GRM7: variants seen among roughly 807,000 people sequenced by gnomAD.
GRM7 encodes glutamate metabotropic receptor 7.
Under a neutral mutation model 84.5 loss-of-function variants are expected in GRM7, and 35 were observed. That is an observed-to-expected ratio of 0.41 (90% CI 0.32 to 0.55). The LOEUF is 0.55. Ranked by LOEUF, GRM7 falls within the 20% of genes least tolerant of loss-of-function variation. The pLI, the probability that GRM7 is intolerant of heterozygous loss-of-function variation, is 0.19. For synonymous variants in GRM7, 487 were observed against 455.1 expected (o/e 1.07, Z -0.89); for missense variants, 1,003 against 1,194.6 (o/e 0.84, Z 2.36).
chr3:7,440,179 G>A (rs182147388), intron 5 of GRM7, among the ~76,000 whole-genome samples: 1 of 152,262 alleles, frequency 6.6e-6, no homozygotes, highest in East Asian at 1.9e-4. Flanking sequence ...ATTTATTTCT[G>A]AGAATGTTCT....
intron 4 of GRM7, among the ~76,000 whole-genome samples, chr3:7,346,058 G>C (rs1244398309): frequency 6.6e-6 from 1 of 152,080 alleles, no homozygotes; most frequent in East Asian, 1.9e-4. Context: ...CTCTAATTAA[G>C]CTATTTATAT....
chr3:7,393,050 C>A (rs1559290055), intron 4 of GRM7, among the ~76,000 whole-genome samples: 1 of 152,104 alleles, frequency 6.6e-6, no homozygotes, highest in Non-Finnish European at 1.5e-5. Context: ...GGCAGGCTAC[C>A]ACTCAGGCAA....
chr3:7,015,534 A>C (rs1695532724), intron 1 of GRM7, among the ~76,000 whole-genome samples: 1 of 152,244 alleles, frequency 6.6e-6, no homozygotes, highest in Non-Finnish European at 1.5e-5. Context: ...AGCAGATTAA[A>C]ATAATGAAAA....
intron 2 of GRM7, among the ~76,000 whole-genome samples, chr3:7,255,949 T>C (rs6443098): frequency 0.052 from 7,860 of 152,222 alleles, 659 homozygotes; most frequent in African/African-American, 0.18. Flanking sequence ...TCTGCTTAAA[T>C]TGCTCCATTA....
intron 1 of GRM7, among the ~76,000 whole-genome samples, chr3:6,977,995 C>A: frequency 6.6e-6 from 1 of 151,878 alleles, no homozygotes; most frequent in East Asian, 1.9e-4. Flanking sequence ...GAGTGGTGGC[C>A]CCTCAAAATC....
rs190890472 is a variant in GRM7, at chr3:7,506,057, G to A, written c.1515+44335G>A. Among the ~76,000 whole-genome samples, 1,041 of 152,246 alleles carry A rather than the reference G, an allele frequency of 6.8e-3. 16 individuals carry two copies. The highest frequency in any genetic ancestry group is 0.024 in the African/African-American group (990 of 41,540). On this transcript the variant is annotated intron_variant, in intron 7 of 9. Coordinates refer to ENST00000357716, the MANE Select transcript of GRM7 (RefSeq NM_000844.4). Reference sequence around the variant, plus strand: ...TTTCTTCTATATTTTACTGTAAGTGGTTAAAAATAGCCATTAAGCAGCCTG... The same window carrying A: ...TTTCTTCTATATTTTACTGTAAGTGATTAAAAATAGCCATTAAGCAGCCTG...
At chr3:6,982,202 A>G (rs1694235431) in intron 1 of GRM7, among the ~76,000 whole-genome samples, 1 of 152,166 alleles carries the variant, frequency 6.6e-6, no homozygotes, top group Admixed American at 6.5e-5. Flanking sequence ...GGAACAGAAA[A>G]CCAAATACTT....
intron 6 of GRM7, among the ~76,000 whole-genome samples, chr3:7,454,663 T>C (rs1697928175): frequency 6.6e-6 from 1 of 152,088 alleles, no homozygotes. Context: ...AATAATTATA[T>C]ATATTGCGGA....
At chr3:7,144,405 A>G (rs113720495) in intron 1 of GRM7, among the ~76,000 whole-genome samples, 1 of 152,240 alleles carries the variant, frequency 6.6e-6, no homozygotes, top group African/African-American at 2.4e-5. Flanking sequence ...TACAAAATAA[A>G]GAGTTGGATA....
intron 9 of GRM7, among the ~76,000 whole-genome samples, chr3:7,685,234 G>T (rs896202656): frequency 2.7e-4 from 41 of 152,276 alleles, no homozygotes; most frequent in African/African-American, 9.9e-4. Flanking sequence ...TCTTCACCTG[G>T]ACTGGTATCA....
At chr3:6,881,915 A>G (rs1185583734) in intron 1 of GRM7, among the ~76,000 whole-genome samples, 1 of 115,800 alleles carries the variant, frequency 8.6e-6, no homozygotes, top group Non-Finnish European at 1.7e-5. Context: ...GTCTAAGGCA[A>G]TTGAATTGTG....
At chr3:7,628,794 T>C (rs565693594) in intron 8 of GRM7, among the ~76,000 whole-genome samples, 5 of 152,288 alleles carry the variant, frequency 3.3e-5, no homozygotes, top group Middle Eastern at 3.4e-3. Context: ...GGCCCAGGTC[T>C]CAGCAGCCAT....
chr3:7,048,695 A>G (rs1210289901), intron 1 of GRM7, among the ~76,000 whole-genome samples: 1 of 151,998 alleles, frequency 6.6e-6, no homozygotes, highest in Non-Finnish European at 1.5e-5. Context: ...AATCAAGCTA[A>G]CAACATATGC....
At chr3:7,638,011 T>C (rs1698180797) in intron 8 of GRM7, among the ~76,000 whole-genome samples, 1 of 152,216 alleles carries the variant, frequency 6.6e-6, no homozygotes, top group African/African-American at 2.4e-5. Flanking sequence ...CTATAATTTC[T>C]ATAATTTCTC....
rs36040422 is a variant in GRM7, at chr3:7,656,547, GCACA to G, written c.2452-23475_2452-23472del. 3.1e-4 allele frequency among the ~76,000 whole-genome samples: 43 copies of G among 139,252 alleles called. 1 individual carries two copies. Among genetic ancestry groups the G allele is most frequent in the Admixed American group, 1.1e-3 (15 of 14,156 alleles). The allele number at this position is 139,252 out of a possible 152,430, so 91.4% of individuals were successfully genotyped here. ...AATATATATATATATATACGCGCGCGCACACACACACACACACACACACACACAC... is the reference window on the plus strand; with the variant it reads ...AATATATATATATATATACGCGCGCGCACACACACACACACACACACACAC... On this transcript the variant is annotated intron_variant, in intron 8 of 9. Transcript: ENST00000357716.
chr3:7,047,200 T>C (rs1055873328), intron 1 of GRM7, among the ~76,000 whole-genome samples: 3 of 152,058 alleles, frequency 2.0e-5, no homozygotes, highest in Non-Finnish European at 4.4e-5. Context: ...GCTTTTGCTC[T>C]ACAGTGACAG....
At chr3:6,920,321 G>T (rs74800957) in intron 1 of GRM7, among the ~76,000 whole-genome samples, 1 of 152,028 alleles carries the variant, frequency 6.6e-6, no homozygotes, top group African/African-American at 2.4e-5. Context: ...TTGGGAGGCC[G>T]AGGCGAGAGG....
At chr3:7,101,142 G>T (rs1001037852) in intron 1 of GRM7, among the ~76,000 whole-genome samples, 1 of 151,652 alleles carries the variant, frequency 6.6e-6, no homozygotes, top group South Asian at 2.1e-4. Flanking sequence ...GGGTCATAGG[G>T]TAGCTTTTAT....
chr3:7,081,886 T>C (rs1255492089), intron 1 of GRM7, among the ~76,000 whole-genome samples: 1 of 152,086 alleles, frequency 6.6e-6, no homozygotes, highest in African/African-American at 2.4e-5. Context: ...CCTAATTGTC[T>C]TCAATTCTGC....
Sources: gnomAD v4.1 joint callset for allele counts (sites outside exome capture counted in the v4.1 genomes callset) on GRCh38, gnomAD v4.1.1 for gene constraint, MANE v1.5 for transcripts, NCBI Gene and HGNC (gene_info 2026-07-23, HGNC 2026-07-21) for gene names.